DOCK11: variants seen among roughly 807,000 people sequenced by gnomAD.
DOCK11 encodes the protein dedicator of cytokinesis 11.
In DOCK11, 70 loss-of-function variants were observed where a neutral mutation model predicts 169.1. That is an observed-to-expected ratio of 0.41 (90% CI 0.34 to 0.51). DOCK11 has a LOEUF of 0.51. Among genes scored for constraint, DOCK11 ranks in the 20% least tolerant of loss-of-function variants. The pLI, the probability that DOCK11 is intolerant of heterozygous loss-of-function variation, is 0.10. For missense variants in DOCK11, 1,166 were observed against 1,538.8 expected (o/e 0.76, Z 4.05); for synonymous variants, 529 against 541.3 (o/e 0.98, Z 0.32).
At chrX:118,556,048 CTT>C (rs147701437) in intron 6 of DOCK11, among the ~76,000 whole-genome samples, 29 of 98,714 alleles carry the variant, frequency 2.9e-4, no homozygotes, top group African/African-American at 6.2e-4. Context: ...TCTTTTCTTT[CTT>C]TTTTTTTTTT....
chrX:118,601,527 T>G (rs768281470), intron 23 of DOCK11, among the ~76,000 whole-genome samples: 2 of 112,198 alleles, frequency 1.8e-5, no homozygotes, highest in Non-Finnish European at 3.8e-5. Context: ...TGTTAAGGTT[T>G]GTTCTTCACA....
chrX:118,593,315 G>A lies in DOCK11; in HGVS notation c.2241G>A (p.Lys747=), dbSNP rs757534673. The change falls in exon 20 of 53, where the codon AAG becomes AAA. Residue 747 remains lysine (K), a synonymous_variant. Transcript: ENST00000276202. Reference sequence around the variant, plus strand: ...TTAACACAAAGGGAACAACCAAAAAGCAAGACACAGTTGAAACTCCAGGTA... The same window carrying A: ...TTAACACAAAGGGAACAACCAAAAAACAAGACACAGTTGAAACTCCAGGTA... The part of the protein sequence containing the change: ...CEINTKGTTK[K]QDTVETPVGF... The A allele has an allele frequency of 1.9e-5, 23 of 1,202,378 alleles. No homozygotes were observed. In the South Asian group the frequency reaches 3.7e-4, roughly 19 times the overall value.
intron 1 of DOCK11, among the ~76,000 whole-genome samples, chrX:118,542,307 A>G (rs1241115331): frequency 9.2e-6 from 1 of 109,228 alleles, no homozygotes; most frequent in African/African-American, 3.3e-5. Flanking sequence ...AGTGGCTGGG[A>G]CTACAGGCAT....
At chrX:118,545,180 T>C (rs2012217487) in intron 4 of DOCK11, 143 bp from the exon 5 acceptor site, 2 of 392,248 alleles carry the variant, frequency 5.1e-6, no homozygotes, top group Admixed American at 5.4e-5. Context: ...GAATAGGATG[T>C]CTTGGCATTT....
intron 6 of DOCK11, among the ~76,000 whole-genome samples, chrX:118,548,496 A>G (rs1015871814): frequency 9.0e-6 from 1 of 111,604 alleles, no homozygotes; most frequent in Non-Finnish European, 1.9e-5. Context: ...CAAGAACCCC[A>G]TAAGTGGAAG....
chrX:118,670,943 A>T, intron 45 of DOCK11, 80 bp from the exon 46 acceptor site: 2 of 1,016,220 alleles, frequency 2.0e-6, no homozygotes. Context: ...TTTTCTACCA[A>T]CTTGAAATGC....
At chrX:118,537,024 G>A (rs1320875061) in intron 1 of DOCK11, among the ~76,000 whole-genome samples, 1 of 111,866 alleles carries the variant, frequency 8.9e-6, no homozygotes, top group Non-Finnish European at 1.9e-5. Flanking sequence ...GAGAAATGAT[G>A]GGAAGGAGAG....
At chrX:118,565,606 A>G (rs1408150782) in intron 7 of DOCK11, among the ~76,000 whole-genome samples, 1 of 112,120 alleles carries the variant, frequency 8.9e-6, no homozygotes, top group African/African-American at 3.2e-5. Context: ...TAAATTTTTT[A>G]AAGTGCTGAC....
chrX:118,580,569 G>A (rs2013597144), intron 14 of DOCK11, among the ~76,000 whole-genome samples: 1 of 111,698 alleles, frequency 9.0e-6, no homozygotes, highest in African/African-American at 3.3e-5. Context: ...CACCCGCCTC[G>A]GCCTCCCAAA....
At chrX:118,581,609 C>T (rs752198576) in intron 14 of DOCK11, among the ~76,000 whole-genome samples, 1 of 107,067 alleles carries the variant, frequency 9.3e-6, no homozygotes, top group South Asian at 4.0e-4. Context: ...CGAGACCATC[C>T]TGGCTAACGT....
chrX:118,673,947 T>C (rs1278300374), intron 46 of DOCK11, among the ~76,000 whole-genome samples: 1 of 111,720 alleles, frequency 9.0e-6, no homozygotes, highest in Non-Finnish European at 1.9e-5. Context: ...AATCTGAAAC[T>C]GTTTGAGCAT....
intron 52 of DOCK11, among the ~76,000 whole-genome samples, chrX:118,684,029 G>A (rs2016799728): frequency 1.8e-5 from 2 of 111,576 alleles, no homozygotes; most frequent in African/African-American, 6.5e-5. Context: ...AGTGAATTGA[G>A]TTTCACATAA....
chrX:118,548,957 AGAGT>A (rs1177693756), intron 6 of DOCK11, among the ~76,000 whole-genome samples: 1 of 111,435 alleles, frequency 9.0e-6, no homozygotes, highest in Non-Finnish European at 1.9e-5. Context: ...ATAAATTCAT[AGAGT>A]GTGTGATGGG....
At chrX:118,505,253 C>A (rs750822586) in intron 1 of DOCK11, among the ~76,000 whole-genome samples, 11 of 112,186 alleles carry the variant, frequency 9.8e-5, no homozygotes, top group African/African-American at 3.6e-4. Flanking sequence ...TCTCGAACTC[C>A]TGACCTCAAA....
At chrX:118,584,943 A>G (rs1016134503) in intron 15 of DOCK11, 86 bp downstream of exon 15, 31 of 1,146,382 alleles carry the variant, frequency 2.7e-5, no homozygotes, top group Non-Finnish European at 3.3e-5. Flanking sequence ...CATATATGGG[A>G]AAAACAGAAT....
At chrX:118,509,094 G>A (rs756025697) in intron 1 of DOCK11, among the ~76,000 whole-genome samples, 1 of 111,100 alleles carries the variant, frequency 9.0e-6, no homozygotes, top group South Asian at 3.8e-4. Flanking sequence ...TCTCTGTCTG[G>A]CCCCCTAGCC....
At chrX:118,636,832 C>CGT (rs1330878990) in intron 36 of DOCK11, among the ~76,000 whole-genome samples, 1 of 103,608 alleles carries the variant, frequency 9.7e-6, no homozygotes, top group Non-Finnish European at 2.0e-5. Flanking sequence ...TGTGTGTACA[C>CGT]ACACACACAC....
Position 118,543,507 on chromosome X carries a change from T to A in DOCK11, c.310-4T>A, listed in dbSNP as rs756129439. 5.9e-6 allele frequency: 7 copies of A among 1,185,217 alleles called. No individual in the cohort carries two copies. In the South Asian group the frequency reaches 1.3e-4, roughly 21 times the overall value. On this transcript the variant is annotated splice_region_variant and splice_polypyrimidine_tract_variant and intron_variant, in intron 3 of 52. Transcript: ENST00000276202. ...TCAAATTCAAGATTCCTATTTTCTT[T>A]CAGTGTATTAAAACCTATAGCACAG...
At chrX:118,664,807 G>A (rs898554917) in intron 45 of DOCK11, among the ~76,000 whole-genome samples, 3 of 111,176 alleles carry the variant, frequency 2.7e-5, no homozygotes, top group African/African-American at 6.6e-5. Context: ...AACCATGGGG[G>A]AAAAGTTCAC....
Sources: allele counts gnomAD v4.1 joint callset (sites outside exome capture counted in the v4.1 genomes callset), GRCh38; gene constraint gnomAD v4.1.1; transcripts MANE v1.5; gene names NCBI Gene and HGNC (gene_info 2026-07-23, HGNC 2026-07-21).